Variants in ACSS3 observed in about 807,000 individuals in gnomAD.
ACSS3 encodes the protein acyl-CoA synthetase short-chain family member 3, mitochondrial.
A neutral mutation model predicts 84.2 loss-of-function variants in ACSS3; 64 were observed. The observed-to-expected ratio is 0.76, with a 90% confidence interval of 0.62 to 0.94. ACSS3 has a LOEUF of 0.94. Among genes scored for constraint, ACSS3 ranks in the 40% least tolerant of loss-of-function variants. The pLI, the probability that ACSS3 is intolerant of heterozygous loss-of-function variation, is 0.00. For synonymous variants in ACSS3, 317 were observed against 310.1 expected (o/e 1.02, Z -0.23); for missense variants, 815 against 867.6 (o/e 0.94, Z 0.76).
intron 9 of ACSS3, among the ~76,000 whole-genome samples, chr12:81,209,824 C>A (rs1269297560): frequency 1.3e-5 from 2 of 152,098 alleles, no homozygotes; most frequent in Non-Finnish European, 2.9e-5. Context: ...GGGTCCCTCC[C>A]CTTTTTAGAC....
At chr12:81,224,809 C>T (rs1921067) in intron 11 of ACSS3, among the ~76,000 whole-genome samples, 60,776 of 151,666 alleles carry the variant, frequency 0.4, 13,151 homozygotes, top group Non-Finnish European at 0.49. Context: ...TTGTCCAGTG[C>T]ATCCATGTTT....
At chr12:81,122,374 A>T (rs1181875930) in intron 2 of ACSS3, among the ~76,000 whole-genome samples, 1 of 152,098 alleles carries the variant, frequency 6.6e-6, no homozygotes, top group Non-Finnish European at 1.5e-5. Flanking sequence ...AGAGAAAAGG[A>T]ATCTGGCCTT....
chr12:81,191,791 CT>C (rs939533500), intron 8 of ACSS3, among the ~76,000 whole-genome samples: 2 of 151,778 alleles, frequency 1.3e-5, no homozygotes, highest in African/African-American at 2.4e-5. Flanking sequence ...GATTTTTCTG[CT>C]TTTTTTTCAC....
chr12:81,253,904 C>A (rs2034226458), intron 15 of ACSS3, among the ~76,000 whole-genome samples: 1 of 151,874 alleles, frequency 6.6e-6, no homozygotes, highest in South Asian at 2.1e-4. Context: ...TGATAAGAAC[C>A]AATGTGTGAA....
At chr12:81,095,126 A>C (rs1881948848) in intron 1 of ACSS3, among the ~76,000 whole-genome samples, 1 of 152,116 alleles carries the variant, frequency 6.6e-6, no homozygotes, top group Admixed American at 6.5e-5. Context: ...AAAGTTACCC[A>C]CTTGTGGCCC....
At chr12:81,152,526 A>T (rs753331308) in intron 7 of ACSS3, among the ~76,000 whole-genome samples, 3 of 152,184 alleles carry the variant, frequency 2.0e-5, no homozygotes, top group Non-Finnish European at 4.4e-5. Context: ...AGCTCTGTGT[A>T]TAAGACATAG....
chr12:81,217,102 G>C, intron 10 of ACSS3, 106 bp downstream of exon 10: 1 of 778,244 alleles, frequency 1.3e-6, no homozygotes, highest in Non-Finnish European at 2.0e-6. Flanking sequence ...ATTAGAATCT[G>C]GTTGAATGAA....
chr12:81,242,769 C>T (rs2033852317), intron 13 of ACSS3, among the ~76,000 whole-genome samples: 2 of 145,160 alleles, frequency 1.4e-5, no homozygotes, highest in African/African-American at 5.0e-5. Context: ...ACATGATTAT[C>T]TCAATAGATG....
At chr12:81,152,298 C>G (rs1218748866) in intron 7 of ACSS3, among the ~76,000 whole-genome samples, 1 of 151,794 alleles carries the variant, frequency 6.6e-6, no homozygotes, top group Non-Finnish European at 1.5e-5. Flanking sequence ...GTTGAACAGT[C>G]AGAATTAAAT....
At chr12:81,187,124 C>G (rs1269266443) in intron 8 of ACSS3, among the ~76,000 whole-genome samples, 1 of 147,468 alleles carries the variant, frequency 6.8e-6, no homozygotes, top group African/African-American at 2.5e-5. Flanking sequence ...TACATCATCT[C>G]ATTTATATGT....
At chr12:81,142,519 A>C (rs947314468) in intron 4 of ACSS3, among the ~76,000 whole-genome samples, 3 of 152,216 alleles carry the variant, frequency 2.0e-5, no homozygotes, top group Non-Finnish European at 4.4e-5. Context: ...TGTATTTTAG[A>C]TATATCACAG....
Position 81,213,532 on chromosome 12 carries a change from A to G in ACSS3, c.1355-3369A>G, listed in dbSNP as rs373707019. Among the ~76,000 whole-genome samples the G allele has an allele frequency of 1.1e-4, 16 of 146,528 alleles. No individual in the cohort carries two copies. In the South Asian group the frequency reaches 3.1e-3, roughly 28 times the overall value. On this transcript the variant is annotated intron_variant, in intron 9 of 15. Coordinates refer to ENST00000548058, the MANE Select transcript of ACSS3 (RefSeq NM_024560.4). ...GCCATTTTGTCTGATTGTATTTTCT[A>G]CAAGTCACTAGCAATAGTTCTCTTT...
intron 2 of ACSS3, among the ~76,000 whole-genome samples, chr12:81,118,997 C>G (rs1470496122): frequency 2.0e-5 from 3 of 152,130 alleles, no homozygotes; most frequent in Non-Finnish European, 4.4e-5. Context: ...GGAACCCACC[C>G]CCGATATTTC....
chr12:81,202,726 G>A (rs774560839), intron 9 of ACSS3, among the ~76,000 whole-genome samples: 2 of 152,126 alleles, frequency 1.3e-5, no homozygotes, highest in African/African-American at 4.8e-5. Flanking sequence ...TGATACATGT[G>A]TACAAATGAG....
intron 11 of ACSS3, among the ~76,000 whole-genome samples, chr12:81,221,668 G>A (rs1353088199): frequency 6.6e-6 from 1 of 152,038 alleles, no homozygotes; most frequent in Non-Finnish European, 1.5e-5. Context: ...TGTATTCGCA[G>A]TTCTCTGAGC....
At position 81,243,966 on chromosome 12, in the gene ACSS3, G is replaced by A. The variant is rs186226332; in HGVS notation, c.1720-9341G>A. ...ATTTTTATTTATACAAATTTCTGAC[G>A]TATATTATTTTCCATGTCTCCAAAT... On this transcript the variant is annotated intron_variant, in intron 13 of 15. Transcript: ENST00000548058. 2.1e-4 allele frequency among the ~76,000 whole-genome samples: 32 copies of A among 151,904 alleles called. 1 individual carries two copies. In the South Asian group the frequency reaches 3.9e-3, roughly 19 times the overall value.
chr12:81,165,371 C>T (rs956967539), intron 7 of ACSS3, among the ~76,000 whole-genome samples: 5 of 152,156 alleles, frequency 3.3e-5, no homozygotes, highest in South Asian at 2.1e-4. Context: ...AGAGGCCGGG[C>T]GCAGTGGCTC....
intron 7 of ACSS3, 99 bp downstream of exon 7, chr12:81,152,195 A>G (rs1219050973): frequency 2.3e-6 from 2 of 859,482 alleles, no homozygotes; most frequent in South Asian, 1.8e-5. Flanking sequence ...TGGGGTGGGG[A>G]CAGGGGACAT....
chr12:81,209,510 T>C (rs2032498902), intron 9 of ACSS3, among the ~76,000 whole-genome samples: 1 of 152,098 alleles, frequency 6.6e-6, no homozygotes. Context: ...CTCCAAGTAT[T>C]GTTGACTAAA....
Sources: gnomAD v4.1 joint callset for allele counts (sites outside exome capture counted in the v4.1 genomes callset) on GRCh38, gnomAD v4.1.1 for gene constraint, MANE v1.5 for transcripts, NCBI Gene and HGNC (gene_info 2026-07-23, HGNC 2026-07-21) for gene names.